DPYD: variants seen among roughly 807,000 people sequenced by gnomAD.
DPYD encodes the protein dihydropyrimidine dehydrogenase [NADP(+)].
A neutral mutation model predicts 116.2 loss-of-function variants in DPYD; 109 were observed. That is an observed-to-expected ratio of 0.94 (90% CI 0.80 to 1.10). The LOEUF is 1.10. Ranked by LOEUF, DPYD falls within the 50% of genes least tolerant of loss-of-function variation. The pLI, the probability that DPYD is intolerant of heterozygous loss-of-function variation, is 0.00. For missense variants in DPYD, 1,302 were observed against 1,254.5 expected (o/e 1.04, Z -0.57); for synonymous variants, 440 against 432.0 (o/e 1.02, Z -0.23).
chr1:97,787,951 G>C lies in DPYD; in HGVS notation c.233+40163C>G, dbSNP rs569655652. Among the ~76,000 whole-genome samples, 6 of 152,316 alleles carry C rather than the reference G, an allele frequency of 3.9e-5. No individual in the cohort carries two copies. In the East Asian group the frequency reaches 7.7e-4, roughly 20 times the overall value. ...TCTAGAAAAATCACACGGTAGTAGA[G>C]AGGTAGACAGGTTAAATTGCCATTG... is the stretch of plus-strand genomic sequence containing the variant. On this transcript the variant is annotated intron_variant, in intron 3 of 22. Transcript: ENST00000370192.
At chr1:97,826,816 C>G (rs1012383243) in intron 3 of DPYD, among the ~76,000 whole-genome samples, 1 of 151,966 alleles carries the variant, frequency 6.6e-6, no homozygotes, top group African/African-American at 2.4e-5. Flanking sequence ...ATTGTGTACT[C>G]AGTTTTATTT....
At chr1:97,670,112 T>C (rs1571161669) in intron 8 of DPYD, among the ~76,000 whole-genome samples, 1 of 152,286 alleles carries the variant, frequency 6.6e-6, no homozygotes, top group Non-Finnish European at 1.5e-5. Flanking sequence ...GGGGAAGGGT[T>C]GTGTACTGTG....
At chr1:97,696,348 A>G (rs1258112147) in intron 6 of DPYD, among the ~76,000 whole-genome samples, 1 of 152,050 alleles carries the variant, frequency 6.6e-6, no homozygotes, top group Non-Finnish European at 1.5e-5. Context: ...TTATACGGAG[A>G]TGTCTAGGAT....
At chr1:97,810,726 C>A (rs1668311999) in intron 3 of DPYD, among the ~76,000 whole-genome samples, 1 of 152,098 alleles carries the variant, frequency 6.6e-6, no homozygotes, top group African/African-American at 2.4e-5. Flanking sequence ...CCTTCTGAAC[C>A]TTTTTATTTC....
At chr1:97,396,420 T>C (rs964008163) in intron 14 of DPYD, among the ~76,000 whole-genome samples, 4 of 145,174 alleles carry the variant, frequency 2.8e-5, no homozygotes, top group African/African-American at 1.0e-4. Context: ...TCAATGTGTG[T>C]CAGTTTTTTA....
chr1:97,781,236 G>A (rs1011741512), intron 3 of DPYD, among the ~76,000 whole-genome samples: 3 of 152,174 alleles, frequency 2.0e-5, no homozygotes, highest in African/African-American at 7.2e-5. Flanking sequence ...CATTGTAAAT[G>A]TATACAAAAG....
intron 16 of DPYD, among the ~76,000 whole-genome samples, chr1:97,338,695 C>A (rs1360057802): frequency 1.5e-4 from 23 of 152,104 alleles, no homozygotes. Context: ...TTATACCTGT[C>A]CCAGTGAAGA....
intron 19 of DPYD, among the ~76,000 whole-genome samples, chr1:97,208,196 T>C (rs547010071): frequency 6.6e-6 from 1 of 151,966 alleles, no homozygotes; most frequent in South Asian, 2.1e-4. Context: ...TACTTTTTTT[T>C]CTTCCTCTTT....
intron 20 of DPYD, among the ~76,000 whole-genome samples, chr1:97,158,578 T>G (rs971393195): frequency 6.7e-6 from 1 of 148,460 alleles, no homozygotes; most frequent in Admixed American, 6.8e-5. Context: ...TAAAGGGGAA[T>G]TGGCACCTGG....
chr1:97,158,228 A>G (rs1474171510), intron 20 of DPYD, among the ~76,000 whole-genome samples: 1 of 152,108 alleles, frequency 6.6e-6, no homozygotes, highest in African/African-American at 2.4e-5. Flanking sequence ...GCTCACAACC[A>G]GTGAATTCAT....
At chr1:97,140,678 C>T (rs758747815) in intron 20 of DPYD, among the ~76,000 whole-genome samples, 23 of 152,050 alleles carry the variant, frequency 1.5e-4, no homozygotes, top group South Asian at 2.1e-4. Flanking sequence ...CCTAAGCATC[C>T]GGCCTTTTCT....
chr1:97,382,634 T>A (rs1372638829), intron 14 of DPYD, among the ~76,000 whole-genome samples, 173 bp from the exon 15 acceptor site: 1 of 152,180 alleles, frequency 6.6e-6, no homozygotes, highest in Non-Finnish European at 1.5e-5. Flanking sequence ...AAACACTGGA[T>A]GACATTTGGG....
chr1:97,138,646 G>T (rs569002682), intron 20 of DPYD, among the ~76,000 whole-genome samples: 14 of 152,258 alleles, frequency 9.2e-5, no homozygotes, highest in African/African-American at 2.9e-4. Context: ...GTTCATAAAG[G>T]TTGGGTTCTA....
chr1:97,759,650 A>C (rs1665464456), intron 3 of DPYD, among the ~76,000 whole-genome samples: 1 of 152,228 alleles, frequency 6.6e-6, no homozygotes, highest in African/African-American at 2.4e-5. Context: ...TTTGTAAAAC[A>C]AATAAATATT....
intron 14 of DPYD, among the ~76,000 whole-genome samples, chr1:97,395,477 G>T (rs1032117725): frequency 6.6e-6 from 1 of 151,918 alleles, no homozygotes; most frequent in African/African-American, 2.4e-5. Flanking sequence ...AATAGCAAAG[G>T]CAGGGATTAA....
At chr1:97,731,055 T>A (rs115821032) in intron 4 of DPYD, among the ~76,000 whole-genome samples, 1,854 of 152,218 alleles carry the variant, frequency 0.012, 36 homozygotes, top group African/African-American at 0.042. Context: ...ATATATAACT[T>A]ACATATAAAA....
At chr1:97,644,212 T>C (rs1658112078) in intron 8 of DPYD, among the ~76,000 whole-genome samples, 1 of 152,162 alleles carries the variant, frequency 6.6e-6, no homozygotes, top group Non-Finnish European at 1.5e-5. Flanking sequence ...TTGAATGCTA[T>C]GTCTGTATAT....
At chr1:97,828,405 T>A (rs1669355690) in intron 2 of DPYD, among the ~76,000 whole-genome samples, 1 of 152,110 alleles carries the variant, frequency 6.6e-6, no homozygotes, top group Middle Eastern at 3.2e-3. Context: ...GTCACAGAAG[T>A]CTCATTATCA....
chr1:97,372,598 T>A (rs1384531725), intron 16 of DPYD, among the ~76,000 whole-genome samples: 1 of 152,222 alleles, frequency 6.6e-6, no homozygotes, highest in Non-Finnish European at 1.5e-5. Context: ...CTATTCTGCA[T>A]GTTAAATATT....
Sources: allele counts gnomAD v4.1 joint callset (sites outside exome capture counted in the v4.1 genomes callset), GRCh38; gene constraint gnomAD v4.1.1; transcripts MANE v1.5; gene names NCBI Gene and HGNC (gene_info 2026-07-23, HGNC 2026-07-21).